SNTG2: variants seen among roughly 807,000 people sequenced by gnomAD.
SNTG2 encodes syntrophin gamma 2, also known as gamma-2-syntrophin.
SNTG2 carries 74 observed loss-of-function variants against 70.9 expected under a neutral mutation model. That is an observed-to-expected ratio of 1.04 (90% confidence interval 0.86 to 1.27). SNTG2 has a LOEUF of 1.27. Ranked by LOEUF, SNTG2 falls within the 50% of genes most tolerant of loss-of-function variation. The pLI is 0.00. For synonymous variants in SNTG2, 278 were observed against 273.8 expected, an observed-to-expected ratio of 1.02 and a Z score of -0.15; for missense variants, 717 against 690.7, an observed-to-expected ratio of 1.04 and a Z score of -0.43.
At chr2:1,287,518 C>T (rs1679812251) in intron 14 of SNTG2, among the ~76,000 whole-genome samples, 1 of 152,180 alleles carries the variant, frequency 6.6e-6, no homozygotes, top group South Asian at 2.1e-4. Flanking sequence ...AGCCCCAGCC[C>T]ACACATTGCT....
chr2:1,105,441 G>A (rs12469446), intron 4 of SNTG2, among the ~76,000 whole-genome samples: 51,815 of 151,968 alleles, frequency 0.34, 9,043 homozygotes, highest in East Asian at 0.54. Flanking sequence ...TTAATTCACC[G>A]CTTTAGTGAG....
rs74344539 is a variant in SNTG2 at position 952,809 on chromosome 2, G to A, written c.72+1741G>A. On this transcript the variant is annotated intron_variant, in intron 1 of 16. Transcript: ENST00000308624. ...TGGTCATGTTAGCTCAGATTCTTAT[G>A]TATTTAAAACGAATCTGTTAAGTAT... Among the ~76,000 whole-genome samples, 1,213 of 152,286 alleles carry A rather than the reference G, an allele frequency of 8.0e-3. 17 individuals carry two copies. The highest frequency in any genetic ancestry group is 0.028 in the African/African-American group (1,144 of 41,564).
chr2:1,001,705 A>G (rs1659400827), intron 1 of SNTG2, among the ~76,000 whole-genome samples: 1 of 152,072 alleles, frequency 6.6e-6, no homozygotes, highest in Non-Finnish European at 1.5e-5. Context: ...AGCAATCTAG[A>G]GATTCAGTGC....
intron 16 of SNTG2, chr2:1,346,704 T>C (rs2148300111): frequency 6.6e-6 from 1 of 152,262 alleles, no homozygotes; most frequent in East Asian, 1.9e-4. Context: ...CCTGAGGCAG[T>C]CGGGTTGCAG....
At chr2:1,032,228 A>G (rs1660881253) in intron 1 of SNTG2, among the ~76,000 whole-genome samples, 1 of 152,182 alleles carries the variant, frequency 6.6e-6, no homozygotes, top group South Asian at 2.1e-4. Context: ...CATGATTGAT[A>G]TGACCAAGAA....
chr2:1,201,557 A>AT (rs1673278869), intron 8 of SNTG2, among the ~76,000 whole-genome samples: 3 of 151,854 alleles, frequency 2.0e-5, no homozygotes, highest in African/African-American at 7.2e-5. Context: ...CAAATGCTAT[A>AT]TGGCTTATGG....
At chr2:1,152,529 T>C (rs897247486) in intron 6 of SNTG2, among the ~76,000 whole-genome samples, 5 of 151,942 alleles carry the variant, frequency 3.3e-5, no homozygotes, top group Non-Finnish European at 7.4e-5. Flanking sequence ...TGTGTGCATG[T>C]GTATTCATGT....
intron 16 of SNTG2, among the ~76,000 whole-genome samples, chr2:1,327,470 C>A (rs1224692356): frequency 1.3e-5 from 2 of 152,076 alleles, no homozygotes; most frequent in Admixed American, 6.5e-5. Context: ...CTTTGAGAAG[C>A]CTTTTTAAGT....
At chr2:1,000,790 A>C (rs1277296061) in intron 1 of SNTG2, among the ~76,000 whole-genome samples, 1 of 152,016 alleles carries the variant, frequency 6.6e-6, no homozygotes, top group African/African-American at 2.4e-5. Flanking sequence ...TCATGATAAA[A>C]AAAACCTAGC....
intron 1 of SNTG2, among the ~76,000 whole-genome samples, chr2:960,749 G>A (rs1216153819): frequency 2.7e-5 from 4 of 149,300 alleles, no homozygotes; most frequent in African/African-American, 7.4e-5. Context: ...TGGGAGCACG[G>A]TGAGCTCTGA....
chr2:1,023,044 A>C lies in SNTG2; in HGVS notation c.73-60474A>C, dbSNP rs1375855393. Among the ~76,000 whole-genome samples, 3 of 152,198 alleles carry C rather than the reference A, an allele frequency of 2.0e-5. No individual in the cohort carries two copies. The South Asian group carries it at 6.2e-4, about 32-fold the overall frequency. On this transcript the variant is annotated intron_variant, in intron 1 of 16. Transcript: ENST00000308624. ...CACACACAAGCCTCTGAGCTGCTAC[A>C]AGTGGGAGACACCAGGAAAGAGGAT...
chr2:1,261,915 G>A (rs148701770), intron 13 of SNTG2, among the ~76,000 whole-genome samples: 2 of 152,274 alleles, frequency 1.3e-5, no homozygotes, highest in African/African-American at 4.8e-5. Flanking sequence ...AGCTCATCCC[G>A]AATCCCGCTC....
At chr2:1,176,087 A>G (rs1486360316) in intron 8 of SNTG2, among the ~76,000 whole-genome samples, 4 of 152,348 alleles carry the variant, frequency 2.6e-5, no homozygotes, top group Middle Eastern at 6.8e-3. Flanking sequence ...TCATCTTCAG[A>G]CATCCTCATC....
intron 14 of SNTG2, among the ~76,000 whole-genome samples, chr2:1,307,430 G>A (rs1010659154): frequency 2.1e-5 from 3 of 141,846 alleles, no homozygotes; most frequent in Non-Finnish European, 3.1e-5. Flanking sequence ...TGTGTGAGCC[G>A]TGTACTGTGT....
At chr2:1,029,687 A>G (rs988381838) in intron 1 of SNTG2, among the ~76,000 whole-genome samples, 7 of 152,160 alleles carry the variant, frequency 4.6e-5, no homozygotes, top group African/African-American at 1.7e-4. Context: ...GTCGCCGCCA[A>G]GGTGCACTCA....
chr2:1,323,734 C>A (rs1017531409), intron 16 of SNTG2, among the ~76,000 whole-genome samples: 9 of 148,332 alleles, frequency 6.1e-5, no homozygotes, highest in African/African-American at 1.7e-4. Context: ...GACCTCCCCC[C>A]ACCCAGTAGT....
chr2:1,032,203 G>A (rs1197853629), intron 1 of SNTG2, among the ~76,000 whole-genome samples: 5 of 152,258 alleles, frequency 3.3e-5, no homozygotes, highest in Middle Eastern at 3.4e-3. Context: ...GCTGGGGCAC[G>A]GGAGCACGGC....
chr2:1,087,783 G>T (rs1468664936), intron 2 of SNTG2, among the ~76,000 whole-genome samples: 1 of 152,176 alleles, frequency 6.6e-6, no homozygotes, highest in African/African-American at 2.4e-5. Context: ...TAAAATGTAG[G>T]TGTATTGCTT....
At chr2:1,245,739 A>G (rs972576159) in intron 11 of SNTG2, among the ~76,000 whole-genome samples, 2 of 152,242 alleles carry the variant, frequency 1.3e-5, no homozygotes, top group African/African-American at 2.4e-5. Context: ...ATTTTAAAAT[A>G]ATCTGTGTAT....
Sources: gnomAD v4.1 joint callset for allele counts (sites outside exome capture counted in the v4.1 genomes callset) on GRCh38, gnomAD v4.1.1 for gene constraint, MANE v1.5 for transcripts, NCBI Gene and HGNC (gene_info 2026-07-23, HGNC 2026-07-21) for gene names.